The following ADGRV1 variants were observed in gnomAD, a reference collection of about 807,000 sequenced individuals.
ADGRV1 encodes G-protein coupled receptor 98.
A neutral mutation model predicts 596.2 loss-of-function variants in ADGRV1; 359 were observed. The ratio of observed to expected loss-of-function variants is 0.60; its 90% confidence interval spans 0.55 to 0.66. The LOEUF (loss-of-function observed/expected upper bound fraction) is 0.66, where lower values mean the gene tolerates loss of function less well. Ranked by LOEUF, ADGRV1 falls within the 30% of genes least tolerant of loss-of-function variation. The pLI is 0.00. For synonymous variants in ADGRV1, 2,681 were observed against 2,679.2 expected (o/e 1.00, Z -0.02); for missense variants, 7,274 against 7,575.6 (o/e 0.96, Z 1.48).
intron 84 of ADGRV1, among the ~76,000 whole-genome samples, chr5:90,978,069 G>C (rs1779765176): frequency 6.6e-6 from 1 of 151,978 alleles, no homozygotes; most frequent in Admixed American, 6.6e-5. Context: ...GGCCGAGGTG[G>C]GGGGATCATG....
chr5:90,909,810 C>T (rs1772684061), intron 83 of ADGRV1, among the ~76,000 whole-genome samples: 1 of 152,070 alleles, frequency 6.6e-6, no homozygotes, highest in Non-Finnish European at 1.5e-5. Flanking sequence ...ATGACTGGCT[C>T]AGTGTGTTTC....
intron 83 of ADGRV1, among the ~76,000 whole-genome samples, chr5:90,879,890 G>A (rs1290703106): frequency 6.6e-6 from 1 of 152,102 alleles, no homozygotes; most frequent in Admixed American, 6.6e-5. Context: ...GGCAGAGGTT[G>A]CTGTGAGCTG....
chr5:90,711,509 T>G (rs1300052608), intron 41 of ADGRV1, among the ~76,000 whole-genome samples, 187 bp downstream of exon 41: 1 of 152,180 alleles, frequency 6.6e-6, no homozygotes, highest in African/African-American at 2.4e-5. Context: ...TTAGTAAATA[T>G]AAATTGAATT....
chr5:90,810,903 T>C lies in ADGRV1; in HGVS notation c.15643T>C (p.Ser5215Pro), dbSNP rs1219125381. ...TGTGGCCACTGTAACTGCCAATGTT[T>C]CCATTCATGGAACATTCAGCCTTGG... is the stretch of plus-strand genomic sequence containing the variant. ...PDVATVTANV[S>P]IHGTFSLGPS... Residue 5215 changes from serine (S) to proline (P), a missense_variant, in exon 74 of 90, where the codon TCC (serine) becomes CCC (proline). Coordinates refer to ENST00000405460, the MANE Select transcript of ADGRV1 (RefSeq NM_032119.4). The C allele has an allele frequency of 6.2e-7, 1 of 1,613,892 alleles. No individual in the cohort carries two copies. The highest frequency in any genetic ancestry group is 1.3e-5 in the African/African-American group (1 of 74,938).
At position 91,047,188 on chromosome 5, in the gene ADGRV1, TG is replaced by T. The variant is rs561342951; in HGVS notation, c.18153-25258del. Among the ~76,000 whole-genome samples, 30 of 152,298 alleles carry T rather than the reference TG, an allele frequency of 2.0e-4. No homozygotes were observed. The South Asian group carries it at 2.7e-3, about 14-fold the overall frequency. The stretch of plus-strand genomic sequence containing the variant: ...CTCTAGTTGCCACGCCTAGTAACTG[TG>T]AACAAATTTCTTAGTCAAACAGTTC... On this transcript the variant is annotated intron_variant, in intron 85 of 89. Coordinates refer to ENST00000405460, the MANE Select transcript of ADGRV1 (RefSeq NM_032119.4).
intron 21 of ADGRV1, among the ~76,000 whole-genome samples, chr5:90,668,251 C>T (rs1022678227): frequency 2.6e-5 from 4 of 152,048 alleles, no homozygotes; most frequent in African/African-American, 9.7e-5. Context: ...GCTGTGCTAG[C>T]AATCAGCGAG....
chr5:90,795,877 G>T (rs986442583), intron 70 of ADGRV1, among the ~76,000 whole-genome samples: 1 of 152,192 alleles, frequency 6.6e-6, no homozygotes, highest in Admixed American at 6.5e-5. Context: ...TGGACCTCCA[G>T]CAAACTCCAG....
intron 59 of ADGRV1, among the ~76,000 whole-genome samples, chr5:90,767,448 A>G (rs1757261159): frequency 6.6e-6 from 1 of 152,230 alleles, no homozygotes; most frequent in Non-Finnish European, 1.5e-5. Flanking sequence ...GGAAATAATT[A>G]TTAAAAGAGA....
rs2149620886 is a variant in ADGRV1, at chr5:90,690,775, C to A, written c.6707-22C>A. 3.2e-6 allele frequency: 5 copies of A among 1,580,514 alleles called. 1 individual carries two copies. The Middle Eastern group carries it at 6.7e-4, about 210-fold the overall frequency. On this transcript the variant is annotated intron_variant, in intron 30 of 89. Coordinates refer to ENST00000405460, the MANE Select transcript of ADGRV1 (RefSeq NM_032119.4). The stretch of plus-strand genomic sequence containing the variant: ...TGTTTCACTTTGTATTTGAAATGAA[C>A]TCTGCTCTGTCTACCCTTCAGGTTT...
chr5:90,759,676 G>T (rs886253011), intron 58 of ADGRV1, 88 bp downstream of exon 58: 1 of 1,258,608 alleles, frequency 7.9e-7, no homozygotes, highest in Non-Finnish European at 1.1e-6. Context: ...TTTTGTTTTG[G>T]AAGTCTTGGC....
At chr5:90,892,886 T>G (rs957409490) in intron 83 of ADGRV1, among the ~76,000 whole-genome samples, 3 of 152,214 alleles carry the variant, frequency 2.0e-5, no homozygotes, top group African/African-American at 7.2e-5. Flanking sequence ...CTATCCATAA[T>G]CTTTAATCAA....
At chr5:91,138,389 G>A (rs773649978) in intron 87 of ADGRV1, among the ~76,000 whole-genome samples, 11 of 151,930 alleles carry the variant, frequency 7.2e-5, no homozygotes, top group Non-Finnish European at 1.3e-4. Flanking sequence ...CAATAAATAC[G>A]AACTTGGTTT....
At chr5:91,070,970 C>T (rs890994539) in intron 85 of ADGRV1, among the ~76,000 whole-genome samples, 4 of 152,164 alleles carry the variant, frequency 2.6e-5, no homozygotes, top group African/African-American at 9.7e-5. Flanking sequence ...TACCATCTCT[C>T]TTGTGGTTTC....
intron 87 of ADGRV1, among the ~76,000 whole-genome samples, chr5:91,144,595 C>T (rs532468166): frequency 1.3e-5 from 2 of 152,264 alleles, no homozygotes; most frequent in East Asian, 3.9e-4. Context: ...CATGAGCCAC[C>T]ACGCCCAATC....
At chr5:90,783,693 A>G in intron 66 of ADGRV1, 145 bp from the exon 67 acceptor site, 1 of 624,940 alleles carries the variant, frequency 1.6e-6, no homozygotes, top group Admixed American at 3.0e-5. Context: ...TCATTCTTTT[A>G]GCTAAGCACC....
chr5:90,927,221 G>A (rs1774589838), intron 83 of ADGRV1, among the ~76,000 whole-genome samples: 1 of 150,982 alleles, frequency 6.6e-6, no homozygotes, highest in Non-Finnish European at 1.5e-5. Flanking sequence ...TCTGTTTAAT[G>A]TTGACAGTGG....
chr5:90,928,605 A>C (rs1232013014), intron 83 of ADGRV1, among the ~76,000 whole-genome samples: 1 of 149,828 alleles, frequency 6.7e-6, no homozygotes, highest in African/African-American at 2.5e-5. Flanking sequence ...GAGTAATTTG[A>C]TCGTCTGAAG....
chr5:90,695,138 G>T (rs1426530799), intron 33 of ADGRV1, among the ~76,000 whole-genome samples: 1 of 152,040 alleles, frequency 6.6e-6, no homozygotes, highest in Non-Finnish European at 1.5e-5. Context: ...AGACAAATCA[G>T]GAAATATCAT....
intron 83 of ADGRV1, among the ~76,000 whole-genome samples, chr5:90,950,863 T>C (rs1334936661): frequency 6.6e-6 from 1 of 152,192 alleles, no homozygotes; most frequent in Non-Finnish European, 1.5e-5. Flanking sequence ...TTATAAATAA[T>C]GTTTTTCTGT....
Sources: gnomAD v4.1 joint callset for allele counts (sites outside exome capture counted in the v4.1 genomes callset) on GRCh38, gnomAD v4.1.1 for gene constraint, MANE v1.5 for transcripts, NCBI Gene and HGNC (gene_info 2026-07-23, HGNC 2026-07-21) for gene names.